RHCG: variants seen among roughly 807,000 people sequenced by gnomAD.
RHCG encodes ammonium transporter Rh type C.
A neutral mutation model predicts 55.3 loss-of-function variants in RHCG; 39 were observed. That is an observed-to-expected ratio of 0.70 (90% confidence interval 0.55 to 0.92). The LOEUF (loss-of-function observed/expected upper bound fraction) is 0.92. Ranked by LOEUF, RHCG falls within the 40% of genes least tolerant of loss-of-function variation. RHCG has a pLI of 0.00. For missense variants in RHCG, 635 were observed against 627.9 expected (o/e 1.01, Z -0.12); for synonymous variants, 250 against 246.8 (o/e 1.01, Z -0.12).
At position 89,476,802 on chromosome 15, in the gene RHCG, C is replaced by T; in HGVS notation, c.1264G>A (p.Gly422Arg). 1 of 1,614,082 alleles carries T rather than the reference C, an allele frequency of 6.2e-7. No individual in the cohort carries two copies. Among genetic ancestry groups the T allele is most frequent in the Non-Finnish European group, 8.5e-7 (1 of 1,179,976 alleles). ...AAGCAGTTCTCATCTGAAGGTTGTC[C>T]CCAGAATGGTAATCTCAAAATGAGC... ...VGLILRLPFWGQPSDENCFED... is the reference protein window; with the variant it reads ...VGLILRLPFWRQPSDENCFED... Residue 422 changes from glycine to arginine, a missense_variant, in exon 9 of 11, where the codon GGA becomes AGA. Physicochemically the swap from Gly to Arg is moderately radical, Grantham distance 125. Transcript: ENST00000268122.
rs902178703 is a variant in RHCG at position 89,471,555 on chromosome 15, G to A, written c.*325C>T. The A allele has an allele frequency of 6.6e-6, 1 of 152,520 alleles. No individual in the cohort carries two copies. Among genetic ancestry groups the A allele is most frequent in the African/African-American group, 2.4e-5 (1 of 41,450 alleles). 9.4% of individuals were successfully genotyped at this position (152,520 alleles called of 1,614,324 possible). A position where few individuals can be genotyped will look rare whatever the true frequency, so the allele number is the denominator to read the frequency against. Reference sequence around the variant, plus strand: ...CTCATAGGTGGTGACTGGCAGCTAAGTTGTCTCCTGGGAGAGCTCAGGTTC... The same window carrying A: ...CTCATAGGTGGTGACTGGCAGCTAAATTGTCTCCTGGGAGAGCTCAGGTTC... On this transcript the variant is annotated 3_prime_UTR_variant, in exon 11 of 11. Transcript: ENST00000268122.
At chr15:89,482,960 T>G in intron 3 of RHCG, 107 bp downstream of exon 3, 1 of 1,159,768 alleles carries the variant, frequency 8.6e-7, no homozygotes, top group Non-Finnish European at 1.2e-6. Context: ...TTCAGGAAGT[T>G]AAGTGACTCG....
In RHCG at chr15:89,478,084, C is replaced by T. The variant is rs559402936; in HGVS notation, c.838-110G>A. 2.9e-4 allele frequency: 411 copies of T among 1,414,702 alleles called. No homozygotes were observed. In the African/African-American group the frequency reaches 4.4e-3, roughly 15 times the overall value. 87.6% of individuals were successfully genotyped at this position (1,414,702 alleles called of 1,614,324 possible). A position where few individuals can be genotyped will look rare whatever the true frequency, so the allele number is the denominator to read the frequency against. ...AGGGTGCAGCCTGGCTCCTGGGAGCCGGGGATGGCTGGGAGTTCACCTCAG... is the reference window on the plus strand; with the variant it reads ...AGGGTGCAGCCTGGCTCCTGGGAGCTGGGGATGGCTGGGAGTTCACCTCAG... On this transcript the variant is annotated intron_variant, in intron 5 of 10. Transcript: ENST00000268122.
chr15:89,487,097 G>T (rs1194606170), intron 1 of RHCG, 112 bp from the exon 2 acceptor site: 8 of 987,256 alleles, frequency 8.1e-6, no homozygotes, highest in Non-Finnish European at 1.0e-5. Context: ...CCACTGGCGC[G>T]TCTCCCTGCT....
intron 5 of RHCG, among the ~76,000 whole-genome samples, 156 bp from the exon 6 acceptor site, chr15:89,478,130 G>A (rs1961192229): frequency 6.6e-6 from 1 of 152,178 alleles, no homozygotes; most frequent in African/African-American, 2.4e-5. Context: ...GCCTGCAGAG[G>A]ACTTCAGCCC....
chr15:89,479,805 C>G, intron 4 of RHCG: 1 of 411,306 alleles, frequency 2.4e-6, no homozygotes. Context: ...CATGGCACTG[C>G]TTTCTCTTCC....
In RHCG at chr15:89,471,484, G is replaced by A. The variant is rs930303147; in HGVS notation, c.*396C>T. ...CACAGAGAGGTCTGGGGGACCCAGG[G>A]AGCATAGGAGATGCTGGCCGAGGTG... On this transcript the variant is annotated 3_prime_UTR_variant, in exon 11 of 11. Transcript: ENST00000268122. The A allele has an allele frequency of 6.6e-6, 1 of 152,528 alleles. No homozygotes were observed. Among genetic ancestry groups the A allele is most frequent in the Non-Finnish European group, 1.5e-5 (1 of 68,282 alleles). The allele number at this position is 152,528 out of a possible 1,614,324, so 9.4% of individuals were successfully genotyped here.
At chr15:89,475,151 T>TGCC (rs1483760978) in intron 9 of RHCG, among the ~76,000 whole-genome samples, 10 of 150,414 alleles carry the variant, frequency 6.6e-5, no homozygotes, top group Non-Finnish European at 1.3e-4. Context: ...CCTTCATTCC[T>TGCC]TCCTTCCTTC....
chr15:89,471,962 T>A (rs1455402717), intron 10 of RHCG, 107 bp from the exon 11 acceptor site: 2 of 152,262 alleles, frequency 1.3e-5, no homozygotes, highest in African/African-American at 4.8e-5. Flanking sequence ...CAACTGGGCA[T>A]AGCCTCACCT....
chr15:89,483,023 C>A, intron 3 of RHCG, 44 bp downstream of exon 3: 1 of 1,515,410 alleles, frequency 6.6e-7, no homozygotes, highest in Non-Finnish European at 9.0e-7. Context: ...TGCTGTCCCC[C>A]AAAGCACCCC....
At position 89,474,973 on chromosome 15, in the gene RHCG, CATT is replaced by C. The variant is rs1365356094; in HGVS notation, c.1311+1779_1311+1781del. 5.4e-4 allele frequency among the ~76,000 whole-genome samples: 72 copies of C among 132,440 alleles called. 12 individuals carry two copies. The highest frequency in any genetic ancestry group is 3.7e-3 in the Middle Eastern group (1 of 270). 86.9% of individuals were successfully genotyped at this position (132,440 alleles called of 152,430 possible). The stretch of plus-strand genomic sequence containing the variant: ...TCATTCATTCCTGCCTGCCTGCCTT[CATT>C]CATTCCTGCCTGCCTGCCTTCCTTC... On this transcript the variant is annotated intron_variant, in intron 9 of 10. Transcript: ENST00000268122.
In RHCG at chr15:89,486,880, G is replaced by A. The variant is rs748807230; in HGVS notation, c.290C>T (p.Ala97Val). ...SAVGFNFLLA[A>V]FGIQWALLMQ... ...GAGCAGCGCCCACTGGATGCCGAAG[G>A]CTGCCAACAGGAAGTTGAAGCCCAC... Residue 97 changes from alanine to valine, a missense_variant, in exon 2 of 11, where the codon GCC (alanine) becomes GTC (valine). Transcript: ENST00000268122. 5.0e-6 allele frequency: 8 copies of A among 1,612,798 alleles called. No individual in the cohort carries two copies. In the Admixed American group the frequency reaches 1.3e-4, roughly 27 times the overall value.
chr15:89,481,084 A>G (rs1487790024), intron 3 of RHCG, among the ~76,000 whole-genome samples: 1 of 152,182 alleles, frequency 6.6e-6, no homozygotes, highest in Non-Finnish European at 1.5e-5. Flanking sequence ...AGCCTAGCAG[A>G]TGCCTCTACT....
intron 1 of RHCG, among the ~76,000 whole-genome samples, chr15:89,495,540 G>A (rs1182755425): frequency 6.6e-6 from 1 of 152,120 alleles, no homozygotes; most frequent in African/African-American, 2.4e-5. Context: ...TCCAGAGGTC[G>A]GGCAGCTCAG....
chr15:89,472,399 T>C (rs1961055234), intron 10 of RHCG, among the ~76,000 whole-genome samples: 1 of 152,114 alleles, frequency 6.6e-6, no homozygotes, highest in African/African-American at 2.4e-5. Context: ...GTCTCTGGGG[T>C]GAAGAGATTC....
rs1961295643 is a variant in RHCG, at chr15:89,483,073, C to G, written c.516G>C (p.Leu172=). The G allele has an allele frequency of 6.3e-7, 1 of 1,581,662 alleles. No homozygotes were observed. Among genetic ancestry groups the G allele is most frequent in the African/African-American group, 1.3e-5 (1 of 74,526 alleles). Residue 172 remains leucine (L), a synonymous_variant, in exon 3 of 11, where the codon CTG becomes CTC. Coordinates refer to ENST00000268122, the MANE Select transcript of RHCG (RefSeq NM_016321.3). ...CATTCTGAGCCCTGCTCACCTTTAGCAGGTTAAGGAGAATGAACTCATTCA... is the reference window on the plus strand; with the variant it reads ...CATTCTGAGCCCTGCTCACCTTTAGGAGGTTAAGGAGAATGAACTCATTCA... ...FAVNEFILLN[L]LKVKDAGGSM...
At chr15:89,485,852 G>A (rs968389625) in intron 2 of RHCG, among the ~76,000 whole-genome samples, 4 of 152,236 alleles carry the variant, frequency 2.6e-5, no homozygotes, top group Non-Finnish European at 5.9e-5. Context: ...ATTGCTATAG[G>A]TTTCATAAGT....
chr15:89,479,182 C>T, intron 5 of RHCG, 140 bp downstream of exon 5: 1 of 803,264 alleles, frequency 1.2e-6, no homozygotes, highest in Non-Finnish European at 1.8e-6. Context: ...TGGCCATGTG[C>T]TCAAAACAAA....
chr15:89,486,993 G>T lies in RHCG; in HGVS notation c.185-8C>A. 6.3e-7 allele frequency: 1 copy of T among 1,582,164 alleles called. No individual in the cohort carries two copies. Among genetic ancestry groups the T allele is most frequent in the Non-Finnish European group, 8.6e-7 (1 of 1,158,736 alleles). On this transcript the variant is annotated splice_region_variant and splice_polypyrimidine_tract_variant and intron_variant, in intron 1 of 10. Coordinates refer to ENST00000268122, the MANE Select transcript of RHCG (RefSeq NM_016321.3). ...CGTGCACGTCCTGGAAGCCTGCGGG[G>T]ACAGTGCAGCCCGGGACTCGGTGGT... is the stretch of plus-strand genomic sequence containing the variant.
Sources: allele counts gnomAD v4.1 joint callset (sites outside exome capture counted in the v4.1 genomes callset), GRCh38; gene constraint gnomAD v4.1.1; transcripts MANE v1.5; gene names NCBI Gene and HGNC (gene_info 2026-07-23, HGNC 2026-07-21).